Variants in RBMS3 observed in about 807,000 individuals in gnomAD.
RBMS3 encodes the protein RNA-binding motif, single-stranded-interacting protein 3.
RBMS3 carries 27 observed loss-of-function variants against 66.8 expected under a neutral mutation model. The ratio of observed to expected loss-of-function variants is 0.40; its 90% confidence interval spans 0.30 to 0.56. The LOEUF is 0.56. RBMS3 is among the 20% of genes least tolerant of loss of function. The pLI, the probability that RBMS3 is intolerant of heterozygous loss-of-function variation, is 0.40. For missense variants in RBMS3, 513 were observed against 549.5 expected (o/e 0.93, Z 0.66); for synonymous variants, 188 against 183.0 (o/e 1.03, Z -0.22).
rs960260201 is a variant in RBMS3, at chr3:29,530,977, C to T, written c.307+42478C>T. Among the ~76,000 whole-genome samples the T allele has an allele frequency of 7.2e-5, 11 of 152,138 alleles. No individual in the cohort carries two copies. The East Asian group carries it at 1.7e-3, about 24-fold the overall frequency. ...CCCAAAAATGGTGGGATCAGAATAC[C>T]CTTTCCTCTCAAGAGCTTAATGGGT... On this transcript the variant is annotated intron_variant, in intron 3 of 14. Coordinates refer to ENST00000383767, the MANE Select transcript of RBMS3 (RefSeq NM_001003793.3).
chr3:29,909,053 C>A (rs953560875), intron 10 of RBMS3, among the ~76,000 whole-genome samples: 8 of 151,952 alleles, frequency 5.3e-5, no homozygotes, highest in Non-Finnish European at 8.8e-5. Flanking sequence ...GAAAATAATA[C>A]ACAAAAAGTA....
intron 6 of RBMS3, among the ~76,000 whole-genome samples, chr3:29,780,741 T>C (rs538509051): frequency 2.0e-5 from 3 of 152,288 alleles, no homozygotes; most frequent in African/African-American, 7.2e-5. Context: ...GTAATATGTG[T>C]GCTTGCTTTG....
At chr3:29,518,906 C>A (rs994398201) in intron 3 of RBMS3, among the ~76,000 whole-genome samples, 1 of 151,964 alleles carries the variant, frequency 6.6e-6, no homozygotes, top group Admixed American at 6.6e-5. Flanking sequence ...CTGTTGGGGG[C>A]CTGGAGTGAG....
intron 2 of RBMS3, among the ~76,000 whole-genome samples, chr3:29,447,975 G>A (rs1246300363): frequency 6.6e-6 from 1 of 152,134 alleles, no homozygotes; most frequent in East Asian, 1.9e-4. Flanking sequence ...ACTGAGCCTT[G>A]CTGATTCTTG....
chr3:29,752,250 T>A (rs1595901), intron 5 of RBMS3, among the ~76,000 whole-genome samples: 1 of 151,988 alleles, frequency 6.6e-6, no homozygotes, highest in Non-Finnish European at 1.5e-5. Context: ...GCCATCCCTC[T>A]GAAGTCAAGC....
At chr3:29,628,701 T>C (rs2049161309) in intron 4 of RBMS3, among the ~76,000 whole-genome samples, 1 of 152,114 alleles carries the variant, frequency 6.6e-6, no homozygotes, top group Admixed American at 6.6e-5. Context: ...AGAAAAAACA[T>C]TGTTTTTACG....
chr3:29,817,725 T>C (rs2057952491), intron 6 of RBMS3, among the ~76,000 whole-genome samples: 2 of 152,162 alleles, frequency 1.3e-5, no homozygotes, highest in South Asian at 2.1e-4. Flanking sequence ...TGGAAGATTA[T>C]ATTACTAGTG....
At chr3:29,785,671 A>G (rs2056793181) in intron 6 of RBMS3, among the ~76,000 whole-genome samples, 1 of 152,056 alleles carries the variant, frequency 6.6e-6, no homozygotes, top group Non-Finnish European at 1.5e-5. Context: ...CCTCAGCAAA[A>G]TTGTCATAGA....
intron 11 of RBMS3, among the ~76,000 whole-genome samples, chr3:29,939,047 G>C (rs2061333119): frequency 6.6e-6 from 1 of 151,922 alleles, no homozygotes; most frequent in African/African-American, 2.4e-5. Context: ...AGCCAGAAGT[G>C]ATGTAACACA....
intron 4 of RBMS3, among the ~76,000 whole-genome samples, chr3:29,658,058 C>A (rs1030802095): frequency 3.9e-5 from 6 of 152,118 alleles, no homozygotes; most frequent in Non-Finnish European, 8.8e-5. Flanking sequence ...GGTTTAAATC[C>A]TAGGTATACC....
At chr3:29,896,520 C>T (rs959695154) in intron 8 of RBMS3, among the ~76,000 whole-genome samples, 1 of 151,576 alleles carries the variant, frequency 6.6e-6, no homozygotes, top group East Asian at 1.9e-4. Flanking sequence ...TTCTGTGGCT[C>T]GCCACTCTAA....
chr3:29,497,439 A>G lies in RBMS3; in HGVS notation c.307+8940A>G, dbSNP rs142934953. On this transcript the variant is annotated intron_variant, in intron 3 of 14. Coordinates refer to ENST00000383767, the MANE Select transcript of RBMS3 (RefSeq NM_001003793.3). The stretch of plus-strand genomic sequence containing the variant: ...ATCCATGTTATCTGACTAAACAGAA[A>G]CTGTCGTCCAGGTATTCTGTTTGCT... Among the ~76,000 whole-genome samples the G allele has an allele frequency of 1.2e-4, 18 of 152,350 alleles. No individual in the cohort carries two copies. In the East Asian group the frequency reaches 3.5e-3, roughly 29 times the overall value.
intron 1 of RBMS3, among the ~76,000 whole-genome samples, chr3:29,377,611 C>G (rs2038544900): frequency 1.3e-5 from 2 of 152,176 alleles, no homozygotes; most frequent in Admixed American, 1.3e-4. Context: ...AGAGGTATTC[C>G]TTTCCAAGAG....
chr3:29,569,881 C>T (rs547430953), intron 3 of RBMS3, among the ~76,000 whole-genome samples: 1 of 152,142 alleles, frequency 6.6e-6, no homozygotes, highest in Admixed American at 6.6e-5. Context: ...AACTGTATAG[C>T]TCAGAAATCT....
rs777421236 is a variant in RBMS3 at position 30,003,874 on chromosome 3, G to C, written c.*12G>C. The C allele has an allele frequency of 2.1e-6, 3 of 1,450,214 alleles. No individual in the cohort carries two copies. The highest frequency in any genetic ancestry group is 2.7e-6 in the Non-Finnish European group (3 of 1,095,412). The allele number at this position is 1,450,214 out of a possible 1,614,324, so 89.8% of individuals were successfully genotyped here. The stretch of plus-strand genomic sequence containing the variant: ...TTCACAGACCATAAACAGGACTGAA[G>C]AATGTCTGTCTGAATCTTTGCCTTG... On this transcript the variant is annotated 3_prime_UTR_variant, in exon 15 of 15. Transcript: ENST00000383767.
intron 3 of RBMS3, among the ~76,000 whole-genome samples, chr3:29,545,208 G>T (rs1239388680): frequency 6.6e-6 from 1 of 152,090 alleles, no homozygotes. Flanking sequence ...GTAGTATAAT[G>T]TCCATAATGC....
chr3:29,626,140 A>G (rs1341367709), intron 4 of RBMS3, among the ~76,000 whole-genome samples: 2 of 152,220 alleles, frequency 1.3e-5, no homozygotes, highest in East Asian at 1.9e-4. Flanking sequence ...TCTGGAAACA[A>G]TGCATCATGT....
chr3:29,808,770 T>C (rs1392393086), intron 6 of RBMS3, among the ~76,000 whole-genome samples: 1 of 151,874 alleles, frequency 6.6e-6, no homozygotes, highest in Middle Eastern at 3.2e-3. Context: ...GAATTATAAA[T>C]TATAAAGAGA....
intron 12 of RBMS3, among the ~76,000 whole-genome samples, chr3:29,958,025 C>T (rs750199858): frequency 2.6e-5 from 4 of 152,100 alleles, no homozygotes; most frequent in Admixed American, 1.3e-4. Flanking sequence ...CATATTCAGT[C>T]TGTTAGTGAT....
Sources: gnomAD v4.1 joint callset for allele counts (sites outside exome capture counted in the v4.1 genomes callset) on GRCh38, gnomAD v4.1.1 for gene constraint, MANE v1.5 for transcripts, NCBI Gene and HGNC (gene_info 2026-07-23, HGNC 2026-07-21) for gene names.